BCL11A: variants seen among roughly 807,000 people sequenced by gnomAD.
BCL11A encodes the protein BCL11 transcription factor A, also known as B cell CLL/lymphoma 11A.
In BCL11A, 2 loss-of-function variants were observed where a neutral mutation model predicts 55.9. That is an observed-to-expected ratio of 0.04 (90% CI 0.01 to 0.11). The LOEUF (loss-of-function observed/expected upper bound fraction) is 0.11, where lower values mean the gene tolerates loss of function less well. Ranked by LOEUF, BCL11A falls within the 10% of genes least tolerant of loss-of-function variation. The pLI, the probability that BCL11A is intolerant of heterozygous loss-of-function variation, is 1.00. For missense variants in BCL11A, 817 were observed against 1,137.1 expected (o/e 0.72, Z 4.05); for synonymous variants, 465 against 473.4 (o/e 0.98, Z 0.23).
At position 60,460,876 on chromosome 2, in the gene BCL11A, G is replaced by C; in HGVS notation, c.2036C>G (p.Ser679Cys). ...LKDPFLSFGD[S>C]RQSPFASSSE... is the part of the protein sequence containing the mutation. Reference sequence around the variant, plus strand: ...CGAGGAGGCAAAAGGCGATTGTCTGGAGTCTCCGAAGCTAAGGAAGGGATC... The same window carrying C: ...CGAGGAGGCAAAAGGCGATTGTCTGCAGTCTCCGAAGCTAAGGAAGGGATC... Residue 679 changes from serine (S) to cysteine (C), a missense_variant, in exon 4 of 4, where the codon TCC becomes TGC. Ser to Cys is a moderately radical substitution (Grantham distance 112). This residue lies in a region of BCL11A where 379 missense variants were observed against 425.3 expected (regional missense o/e 0.89). Transcript: ENST00000642384. 1 of 1,613,288 alleles carries C rather than the reference G, an allele frequency of 6.2e-7. No individual in the cohort carries two copies. Among genetic ancestry groups the C allele is most frequent in the Non-Finnish European group, 8.5e-7 (1 of 1,180,036 alleles).
chr2:60,498,827 T>G (rs1434498939), intron 2 of BCL11A, among the ~76,000 whole-genome samples: 4 of 152,136 alleles, frequency 2.6e-5, no homozygotes, highest in Non-Finnish European at 4.4e-5. Flanking sequence ...CTCTGATGGA[T>G]GTACTAATAT....
Position 60,463,433 on chromosome 2 carries a change from C to A in BCL11A, c.488-1009G>T, listed in dbSNP as rs937278127. ...CAACGTGAACCAAATTATACAACAT[C>A]CTGCGCCCTCGGCTGGGACTCAGCT... On this transcript the variant is annotated intron_variant, in intron 3 of 3. Coordinates refer to ENST00000642384, the MANE Select transcript of BCL11A (RefSeq NM_022893.4). Among the ~76,000 whole-genome samples the A allele has an allele frequency of 2.0e-5, 3 of 152,246 alleles. No homozygotes were observed. The South Asian group carries it at 6.2e-4, about 32-fold the overall frequency.
At chr2:60,540,039 A>G (rs1669848398) in intron 2 of BCL11A, among the ~76,000 whole-genome samples, 1 of 152,222 alleles carries the variant, frequency 6.6e-6, no homozygotes, top group Admixed American at 6.5e-5. Flanking sequence ...GTCTGAACAT[A>G]TTTTATGAAC....
intron 2 of BCL11A, chr2:60,534,144 G>A (rs1669573251): frequency 1.3e-5 from 2 of 152,198 alleles, no homozygotes; most frequent in Non-Finnish European, 2.9e-5. Context: ...ATCGGAAACC[G>A]TTAGTTAGCA....
rs1455278647 is a variant in BCL11A, at chr2:60,546,183, C to G, written c.173G>C (p.Gly58Ala). Residue 58 changes from glycine (G) to alanine (A), a missense_variant, in exon 2 of 4, where the codon GGG (glycine) becomes GCG (alanine). Transcript: ENST00000642384. This position sits in a 1 kb window ranked among gnomAD's most constrained non-coding sequence, Gnocchi z 4.1. ...GTGCTCGATAAAAATAAGAATGTCC[C>G]CCAATGGGAAGTTCATCTGGCACTG... ...CGQCQMNFPL[G>A]DILIFIEHKR... The G allele has an allele frequency of 2.3e-5, 37 of 1,614,054 alleles. No individual in the cohort carries two copies. Among genetic ancestry groups the G allele is most frequent in the Non-Finnish European group, 3.1e-5 (36 of 1,180,036 alleles).
intron 2 of BCL11A, chr2:60,527,596 C>T (rs1669261390): frequency 6.6e-6 from 1 of 152,246 alleles, no homozygotes. Flanking sequence ...TGGATGTGAC[C>T]GACAACTTCT....
chr2:60,530,068 T>C (rs1669378183), intron 2 of BCL11A, among the ~76,000 whole-genome samples: 2 of 152,130 alleles, frequency 1.3e-5, no homozygotes, highest in South Asian at 4.1e-4. Flanking sequence ...AACATTCATA[T>C]ATGAATGCAT....
chr2:60,535,024 A>G (rs1475196139), intron 2 of BCL11A: 1 of 152,242 alleles, frequency 6.6e-6, no homozygotes. Flanking sequence ...GCAGGCTGAC[A>G]GGCCAGCCTG....
intron 2 of BCL11A, among the ~76,000 whole-genome samples, chr2:60,488,718 C>T (rs1421960533): frequency 6.6e-6 from 1 of 152,118 alleles, no homozygotes; most frequent in Non-Finnish European, 1.5e-5. Context: ...AGCCTAAAGC[C>T]ACTGCTACCC....
At chr2:60,455,149 A>G (rs1241083765), downstream of BCL11A, among the ~76,000 whole-genome samples, 1 of 152,216 alleles carries the variant, frequency 6.6e-6, no homozygotes, top group African/African-American at 2.4e-5. Context: ...CCTGTTTATT[A>G]AGTTGTTCTC....
At chr2:60,467,201 ATGGCGGTGATGGTACTGG>A (rs1558618515) in intron 3 of BCL11A, among the ~76,000 whole-genome samples, 11 of 66,142 alleles carry the variant, frequency 1.7e-4, no homozygotes, top group Admixed American at 4.6e-4. Flanking sequence ...GGTGGTGGTG[ATGGCGGTGATGGTACTGG>A]TGATGGTGGT....
intron 2 of BCL11A, among the ~76,000 whole-genome samples, chr2:60,523,091 A>T (rs1349646111): frequency 6.6e-6 from 1 of 152,256 alleles, no homozygotes; most frequent in African/African-American, 2.4e-5. Context: ...AGGATATAAA[A>T]TAAGTAAGAA....
intron 2 of BCL11A, among the ~76,000 whole-genome samples, chr2:60,475,367 T>TC (rs1677533699): frequency 6.6e-6 from 1 of 152,162 alleles, no homozygotes; most frequent in Non-Finnish European, 1.5e-5. Context: ...AATTGTTTCT[T>TC]CCCCCAATGA....
intron 3 of BCL11A, among the ~76,000 whole-genome samples, chr2:60,465,845 A>G (rs1676572682): frequency 6.6e-6 from 1 of 152,212 alleles, no homozygotes; most frequent in Non-Finnish European, 1.5e-5. Context: ...GGTAATGACT[A>G]ACCACATTAC....
intron 3 of BCL11A, among the ~76,000 whole-genome samples, chr2:60,467,252 ATGGTGG>A (rs1322270014): frequency 3.7e-5 from 1 of 27,204 alleles, no homozygotes; most frequent in Non-Finnish European, 7.4e-5. Context: ...GGTGGTGGTA[ATGGTGG>A]TGGTGGTGAT....
At chr2:60,467,681 ATGGTGGTGG>A (rs1328408838) in intron 3 of BCL11A, among the ~76,000 whole-genome samples, 3 of 38,180 alleles carry the variant, frequency 7.9e-5, no homozygotes, top group South Asian at 1.2e-3. Context: ...GGTGATGGTG[ATGGTGGTGG>A]TGGTGGTGAT....
At chr2:60,549,328 G>C (rs2104772362) in intron 1 of BCL11A, among the ~76,000 whole-genome samples, 1 of 152,330 alleles carries the variant, frequency 6.6e-6, no homozygotes, top group African/African-American at 2.4e-5. Context: ...GCCGGGGAGC[G>C]GAGGGGGAGG....
At chr2:60,507,857 T>C (rs1679734162) in intron 2 of BCL11A, among the ~76,000 whole-genome samples, 1 of 152,138 alleles carries the variant, frequency 6.6e-6, no homozygotes, top group African/African-American at 2.4e-5. Flanking sequence ...AATGCTCCTG[T>C]AACAAAGGAC....
chr2:60,526,440 A>G (rs1669205129), intron 2 of BCL11A: 1 of 152,212 alleles, frequency 6.6e-6, no homozygotes. Context: ...ATTGTCTCCT[A>G]TGCATCTCCC....
Sources: gnomAD v4.1 joint callset for allele counts (sites outside exome capture counted in the v4.1 genomes callset) on GRCh38, gnomAD v4.1.1 for gene constraint, gnomAD v4.1.1 regional missense constraint, Gnocchi (gnomAD v3.1) non-coding constraint, MANE v1.5 for transcripts, NCBI Gene and HGNC (gene_info 2026-07-23, HGNC 2026-07-21) for gene names.